The following KIAA1328 variants were observed in gnomAD, a reference collection of about 807,000 sequenced individuals.
The protein encoded by KIAA1328 is protein hinderin.
KIAA1328 carries 52 observed loss-of-function variants against 68.1 expected under a neutral mutation model. The ratio of observed to expected loss-of-function variants is 0.76; its 90% CI spans 0.61 to 0.96. KIAA1328 has a LOEUF of 0.96. Ranked by LOEUF, KIAA1328 falls within the 40% of genes least tolerant of loss-of-function variation. KIAA1328 has a pLI of 0.00. For missense variants in KIAA1328, 641 were observed against 677.6 expected, an observed-to-expected ratio of 0.95 and a Z score of 0.60; for synonymous variants, 232 against 239.4, an observed-to-expected ratio of 0.97 and a Z score of 0.28.
intron 6 of KIAA1328, among the ~76,000 whole-genome samples, chr18:36,995,475 G>A (rs938016467): frequency 6.6e-6 from 1 of 152,026 alleles, no homozygotes; most frequent in South Asian, 2.1e-4. Context: ...ATCTTTTCCA[G>A]TTTCTCGGTC....
chr18:37,202,006 T>A (rs1319732464), intron 9 of KIAA1328, among the ~76,000 whole-genome samples: 1 of 152,198 alleles, frequency 6.6e-6, no homozygotes, highest in Non-Finnish European at 1.5e-5. Flanking sequence ...GCATTTCCAA[T>A]TGTGACCTGT....
At position 37,160,254 on chromosome 18, in the gene KIAA1328, A is replaced by G. The variant is rs2059248858; in HGVS notation, c.1287A>G (p.Lys429=). The change falls in exon 8 of 10, where the codon AAA becomes AAG. Residue 429 remains lysine, a synonymous_variant. Transcript: ENST00000280020. ...TGCTTGGAACATCATCATCTATTAAAAAGCACCAAGACCCCCCAAACAGTG... is the reference window on the plus strand; with the variant it reads ...TGCTTGGAACATCATCATCTATTAAGAAGCACCAAGACCCCCCAAACAGTG... ...GWLLGTSSSI[K]KHQDPPNSGE... 1 of 1,613,456 alleles carries G rather than the reference A, an allele frequency of 6.2e-7. No homozygotes were observed. The highest frequency in any genetic ancestry group is 1.3e-5 in the African/African-American group (1 of 74,898).
intron 5 of KIAA1328, among the ~76,000 whole-genome samples, chr18:36,927,056 C>G (rs753744430): frequency 2.0e-5 from 3 of 152,128 alleles, no homozygotes; most frequent in Non-Finnish European, 1.5e-5. Flanking sequence ...TGTTGCTAAG[C>G]CATTTATGAG....
chr18:37,173,198 A>C (rs907125816), intron 9 of KIAA1328, 117 bp downstream of exon 9: 1 of 723,918 alleles, frequency 1.4e-6, no homozygotes, highest in Middle Eastern at 2.5e-4. Context: ...TTCTCAAGAG[A>C]GGTCCTTCTT....
chr18:37,217,639 A>T (rs998265733), intron 9 of KIAA1328, among the ~76,000 whole-genome samples: 6 of 152,060 alleles, frequency 3.9e-5, no homozygotes, highest in African/African-American at 1.4e-4. Context: ...TCTGACAATT[A>T]TGTGTCTTGG....
At chr18:37,177,318 C>G (rs767858003) in intron 9 of KIAA1328, among the ~76,000 whole-genome samples, 1 of 152,102 alleles carries the variant, frequency 6.6e-6, no homozygotes. Flanking sequence ...TTGTATTTTT[C>G]AGTCATATGG....
chr18:37,069,521 G>A (rs1207809056), intron 7 of KIAA1328, among the ~76,000 whole-genome samples: 1 of 152,074 alleles, frequency 6.6e-6, no homozygotes, highest in Non-Finnish European at 1.5e-5. Flanking sequence ...AGGTAATGCA[G>A]GCCTCATAAA....
At chr18:37,117,143 C>T (rs546917881) in intron 7 of KIAA1328, among the ~76,000 whole-genome samples, 3 of 152,016 alleles carry the variant, frequency 2.0e-5, no homozygotes, top group East Asian at 1.9e-4. Flanking sequence ...CCATTTGACC[C>T]GGCCATCCCA....
intron 4 of KIAA1328, among the ~76,000 whole-genome samples, chr18:36,877,963 G>A (rs531895264): frequency 5.3e-5 from 8 of 151,836 alleles, no homozygotes; most frequent in African/African-American, 9.7e-5. Context: ...CACTGCACCC[G>A]GCCCAGTCTG....
chr18:37,043,649 G>A (rs775715024), intron 6 of KIAA1328, among the ~76,000 whole-genome samples: 24 of 152,300 alleles, frequency 1.6e-4, no homozygotes, highest in Admixed American at 7.8e-4. Context: ...TCCTGTCTGA[G>A]AGTTGAGCAA....
chr18:36,890,506 A>C (rs2150998167), intron 5 of KIAA1328, among the ~76,000 whole-genome samples: 1 of 152,240 alleles, frequency 6.6e-6, no homozygotes. Flanking sequence ...CCCCGTCTCT[A>C]CTAAAAATAC....
At chr18:36,907,431 A>G (rs2049264695) in intron 5 of KIAA1328, among the ~76,000 whole-genome samples, 1 of 152,134 alleles carries the variant, frequency 6.6e-6, no homozygotes, top group Non-Finnish European at 1.5e-5. Context: ...TAAGTTTAAC[A>G]TAGATACCTT....
At chr18:37,042,146 C>G (rs1458779131) in intron 6 of KIAA1328, among the ~76,000 whole-genome samples, 2 of 152,156 alleles carry the variant, frequency 1.3e-5, no homozygotes, top group African/African-American at 4.8e-5. Flanking sequence ...GATGCACCCA[C>G]CTTGACCTCC....
At chr18:36,980,526 ATTGG>A in intron 6 of KIAA1328, among the ~76,000 whole-genome samples, 1 of 152,132 alleles carries the variant, frequency 6.6e-6, no homozygotes, top group East Asian at 1.9e-4. Context: ...TTCCACAACA[ATTGG>A]GCATATGCTA....
chr18:37,018,253 G>C (rs2054222083), intron 6 of KIAA1328, among the ~76,000 whole-genome samples: 1 of 152,052 alleles, frequency 6.6e-6, no homozygotes, highest in East Asian at 1.9e-4. Context: ...TTCTTCCCTG[G>C]AATTTTTTTC....
At chr18:37,010,210 C>T (rs2629972) in intron 6 of KIAA1328, among the ~76,000 whole-genome samples, 111,273 of 151,774 alleles carry the variant, frequency 0.73, 43,889 homozygotes, top group South Asian at 0.89. Flanking sequence ...TTTGGGAGGC[C>T]GAGGCGGGCG....
At chr18:36,881,274 G>A (rs886870925) in intron 4 of KIAA1328, among the ~76,000 whole-genome samples, 1 of 151,682 alleles carries the variant, frequency 6.6e-6, no homozygotes, top group Non-Finnish European at 1.5e-5. Flanking sequence ...TTAAAACAGT[G>A]TGTACTTTTA....
chr18:37,185,700 C>T (rs577070839), intron 9 of KIAA1328, among the ~76,000 whole-genome samples: 23 of 149,686 alleles, frequency 1.5e-4, no homozygotes, highest in Non-Finnish European at 3.2e-4. Flanking sequence ...TATATATATA[C>T]GTATATACCT....
chr18:37,161,997 A>C (rs972299413), intron 8 of KIAA1328, among the ~76,000 whole-genome samples: 1 of 152,246 alleles, frequency 6.6e-6, no homozygotes, highest in South Asian at 2.1e-4. Flanking sequence ...GTCCAAAAAA[A>C]ATCAATTTCT....
Sources: gnomAD v4.1 joint callset for allele counts (sites outside exome capture counted in the v4.1 genomes callset) on GRCh38, gnomAD v4.1.1 for gene constraint, MANE v1.5 for transcripts, NCBI Gene and HGNC (gene_info 2026-07-23, HGNC 2026-07-21) for gene names.